TRHDE: variants seen among roughly 807,000 people sequenced by gnomAD.
TRHDE encodes the protein thyrotropin releasing hormone degrading enzyme, also known as thyrotropin-releasing hormone-degrading ectoenzyme.
TRHDE carries 72 observed loss-of-function variants against 125.7 expected under a neutral mutation model. The observed-to-expected ratio is 0.57, with a 90% confidence interval of 0.47 to 0.70. The LOEUF is 0.70. TRHDE is among the 30% of genes least tolerant of loss of function. TRHDE has a pLI of 0.00. For synonymous variants in TRHDE, 509 were observed against 509.1 expected, an observed-to-expected ratio of 1.00 and a Z score of 0.00; for missense variants, 1,110 against 1,327.1, an observed-to-expected ratio of 0.84 and a Z score of 2.54.
intron 2 of TRHDE, among the ~76,000 whole-genome samples, chr12:72,164,429 C>A (rs1876701252): frequency 6.6e-6 from 1 of 152,100 alleles, no homozygotes; most frequent in African/African-American, 2.4e-5. Flanking sequence ...GAAGAGAAGA[C>A]CCAGAGCCAG....
chr12:72,374,057 A>T (rs916957686), intron 2 of TRHDE, among the ~76,000 whole-genome samples: 5 of 152,166 alleles, frequency 3.3e-5, no homozygotes, highest in African/African-American at 4.8e-5. Flanking sequence ...GCAGTCATTC[A>T]GGCAAGAAAT....
intron 3 of TRHDE, among the ~76,000 whole-genome samples, chr12:72,446,052 C>T (rs1014604817): frequency 6.6e-6 from 1 of 151,728 alleles, no homozygotes; most frequent in Non-Finnish European, 1.5e-5. Flanking sequence ...GTGCGCTAGA[C>T]CAGTGCTTCT....
At chr12:72,561,683 A>G (rs754982239) in intron 7 of TRHDE, among the ~76,000 whole-genome samples, 12 of 152,202 alleles carry the variant, frequency 7.9e-5, no homozygotes, top group African/African-American at 1.2e-4. Context: ...TTTCCTTTGC[A>G]GAGAGACCAT....
intron 2 of TRHDE, among the ~76,000 whole-genome samples, chr12:72,239,236 T>G (rs1050705582): frequency 6.6e-5 from 10 of 151,634 alleles, no homozygotes; most frequent in Admixed American, 5.9e-4. Flanking sequence ...TTTTGATTTT[T>G]TTTTTTTTCT....
intron 3 of TRHDE, among the ~76,000 whole-genome samples, chr12:72,386,340 A>G (rs1872414274): frequency 6.6e-6 from 1 of 152,166 alleles, no homozygotes; most frequent in African/African-American, 2.4e-5. Flanking sequence ...ATATTTAGTC[A>G]TTGCATTAGC....
rs1592401954 is a variant in TRHDE at position 72,378,145 on chromosome 12, A to C, written c.1315+24A>C. On this transcript the variant is annotated intron_variant, in intron 3 of 18. Transcript: ENST00000261180. ...AGGTAAGAATTTTCTTGGTTATTTTATTGGAAGGGCTCCTTGAAAGTGGAA... is the reference window on the plus strand; with the variant it reads ...AGGTAAGAATTTTCTTGGTTATTTTCTTGGAAGGGCTCCTTGAAAGTGGAA... 3 of 1,563,258 alleles carry C rather than the reference A, an allele frequency of 1.9e-6. No homozygotes were observed. The East Asian group carries it at 6.8e-5, about 36-fold the overall frequency.
intron 13 of TRHDE, among the ~76,000 whole-genome samples, chr12:72,620,100 C>T (rs754252695): frequency 7.9e-5 from 12 of 151,958 alleles, no homozygotes; most frequent in Non-Finnish European, 1.3e-4. Flanking sequence ...AGAAAGATTA[C>T]ACATTAATTT....
chr12:72,457,264 G>A (rs986694991), intron 3 of TRHDE, among the ~76,000 whole-genome samples: 3 of 152,152 alleles, frequency 2.0e-5, no homozygotes, highest in African/African-American at 7.2e-5. Context: ...AGGCAAATTA[G>A]CTTCATCTTA....
rs544037722 is a variant in TRHDE, at chr12:72,520,248, T to C, written c.1722+20613T>C. On this transcript the variant is annotated intron_variant, in intron 6 of 18. Transcript: ENST00000261180. Reference sequence around the variant, plus strand: ...GGCGCCCCTCCCCCAGTCTCGCTGCTGCCTTGCAGTTTGATCTCAGACTGC... The same window carrying C: ...GGCGCCCCTCCCCCAGTCTCGCTGCCGCCTTGCAGTTTGATCTCAGACTGC... Among the ~76,000 whole-genome samples, 262 of 152,314 alleles carry C rather than the reference T, an allele frequency of 1.7e-3. 2 individuals are homozygous for C. The highest frequency in any genetic ancestry group is 5.8e-3 in the African/African-American group (243 of 41,580).
intron 5 of TRHDE, among the ~76,000 whole-genome samples, chr12:72,477,324 G>A (rs1259658537): frequency 4.6e-5 from 7 of 152,108 alleles, no homozygotes; most frequent in East Asian, 1.9e-4. Context: ...TTATTTATAC[G>A]TACAAAATAA....
chr12:72,649,034 A>C (rs986254388), intron 15 of TRHDE, among the ~76,000 whole-genome samples: 2 of 152,040 alleles, frequency 1.3e-5, no homozygotes, highest in Non-Finnish European at 2.9e-5. Flanking sequence ...TAAAAAAAAA[A>C]CAATTCTACA....
intron 2 of TRHDE, among the ~76,000 whole-genome samples, chr12:72,251,514 T>C (rs551501773): frequency 3.3e-5 from 5 of 151,964 alleles, no homozygotes; most frequent in African/African-American, 1.2e-4. Flanking sequence ...ATTGCTGAGT[T>C]CTACTTCATG....
At chr12:72,598,653 A>G (rs1341806378) in intron 12 of TRHDE, among the ~76,000 whole-genome samples, 2 of 152,148 alleles carry the variant, frequency 1.3e-5, no homozygotes, top group African/African-American at 4.8e-5. Flanking sequence ...ATTCCTGGAG[A>G]GCAAAGTTTA....
intron 2 of TRHDE, among the ~76,000 whole-genome samples, chr12:72,146,225 A>C (rs1876223561): frequency 6.6e-6 from 1 of 152,174 alleles, no homozygotes; most frequent in Non-Finnish European, 1.5e-5. Context: ...TCTTGTTTAA[A>C]TACTCAAGGA....
intron 1 of TRHDE, among the ~76,000 whole-genome samples, chr12:72,094,699 T>C (rs1021145245): frequency 1.3e-5 from 2 of 152,242 alleles, no homozygotes; most frequent in Admixed American, 1.3e-4. Context: ...TCTGGGTTCC[T>C]GGCAGATGGT....
At chr12:72,319,480 TAATC>T (rs1441639205) in intron 2 of TRHDE, among the ~76,000 whole-genome samples, 2 of 152,208 alleles carry the variant, frequency 1.3e-5, no homozygotes, top group Non-Finnish European at 2.9e-5. Flanking sequence ...GCTCAATACT[TAATC>T]AAAACTTGGA....
chr12:72,595,326 C>T (rs1395311479), intron 12 of TRHDE, among the ~76,000 whole-genome samples: 3 of 151,458 alleles, frequency 2.0e-5, no homozygotes, highest in Non-Finnish European at 4.4e-5. Context: ...TATTTTTGTA[C>T]ATGAATTTTT....
intron 7 of TRHDE, among the ~76,000 whole-genome samples, chr12:72,546,597 G>C (rs1414575468): frequency 1.3e-5 from 2 of 151,470 alleles, no homozygotes; most frequent in Non-Finnish European, 3.0e-5. Flanking sequence ...AACAATTGTA[G>C]ATAACCATCT....
intron 17 of TRHDE, among the ~76,000 whole-genome samples, chr12:72,654,235 T>G (rs1874620172): frequency 6.6e-6 from 1 of 152,172 alleles, no homozygotes; most frequent in Admixed American, 6.5e-5. Context: ...GGCAATGCAA[T>G]TATAGGCATA....
Sources: allele counts gnomAD v4.1 joint callset (sites outside exome capture counted in the v4.1 genomes callset), GRCh38; gene constraint gnomAD v4.1.1; transcripts MANE v1.5; gene names NCBI Gene and HGNC (gene_info 2026-07-23, HGNC 2026-07-21).